MCTP1: variants seen among roughly 807,000 people sequenced by gnomAD.
MCTP1 encodes the protein multiple C2 and transmembrane domain-containing protein 1.
In MCTP1, 69 loss-of-function variants were observed where a neutral mutation model predicts 120.6. The observed-to-expected ratio is 0.57, with a 90% CI of 0.47 to 0.70. The LOEUF (loss-of-function observed/expected upper bound fraction) is 0.70, where lower values mean the gene tolerates loss of function less well. Among genes scored for constraint, MCTP1 ranks in the 30% least tolerant of loss-of-function variants. The pLI, the probability that MCTP1 is intolerant of heterozygous loss-of-function variation, is 0.00. For synonymous variants in MCTP1, 529 were observed against 493.1 expected (o/e 1.07, Z -0.96); for missense variants, 1,203 against 1,248.8 (o/e 0.96, Z 0.55).
At chr5:95,122,587 G>A (rs558837468) in intron 1 of MCTP1, among the ~76,000 whole-genome samples, 2 of 152,260 alleles carry the variant, frequency 1.3e-5, no homozygotes, top group South Asian at 2.1e-4. Context: ...AAACAGCCTG[G>A]AGGTTCCTCA....
chr5:95,284,431 G>A lies in MCTP1; in HGVS notation c.145C>T (p.Arg49Cys), dbSNP rs766747520. 5.2e-6 allele frequency: 8 copies of A among 1,550,734 alleles called. No homozygotes were observed. The highest frequency in any genetic ancestry group is 1.4e-5 in the African/African-American group (1 of 72,686). The change falls in exon 1 of 23, where the codon CGC becomes TGC. Residue 49 changes from arginine to cysteine, a missense_variant. Around this residue, in one of 2 missense-constraint regions of MCTP1, gnomAD observed 463 missense variants for 377.8 expected, o/e 1.23. Coordinates refer to ENST00000515393, the MANE Select transcript of MCTP1 (RefSeq NM_024717.7). This position sits in a 1 kb window ranked among gnomAD's most constrained non-coding sequence, Gnocchi z 5.2. ...GAGGGCGACGGGGTGTCCGCAGTGCGGCGCTCTGGACCCCCAGCGCGCCCG... is the reference window on the plus strand; with the variant it reads ...GAGGGCGACGGGGTGTCCGCAGTGCAGCGCTCTGGACCCCCAGCGCGCCCG... ...GGGRAGGPERRTADTPSPSPP... is the reference protein window; with the variant it reads ...GGGRAGGPERCTADTPSPSPP...
At chr5:94,925,044 C>G (rs1234806351) in intron 6 of MCTP1, among the ~76,000 whole-genome samples, 1 of 152,176 alleles carries the variant, frequency 6.6e-6, no homozygotes, top group Non-Finnish European at 1.5e-5. Flanking sequence ...TGTCATCCAT[C>G]AGCTAAAATT....
At chr5:94,924,110 TAAAA>T in intron 6 of MCTP1, 89 bp from the exon 7 acceptor site, 1 of 781,498 alleles carries the variant, frequency 1.3e-6, no homozygotes, top group Non-Finnish European at 1.9e-6. Flanking sequence ...TCAAAGCAAA[TAAAA>T]AATCGAAAAT....
intron 1 of MCTP1, among the ~76,000 whole-genome samples, chr5:95,134,198 T>C (rs1245530722): frequency 6.6e-6 from 1 of 152,206 alleles, no homozygotes; most frequent in Admixed American, 6.5e-5. Flanking sequence ...ATGTTAAGTG[T>C]TTTAATCAGT....
At chr5:94,722,572 T>A (rs1761161724) in intron 19 of MCTP1, among the ~76,000 whole-genome samples, 1 of 152,182 alleles carries the variant, frequency 6.6e-6, no homozygotes, top group Non-Finnish European at 1.5e-5. Flanking sequence ...ATAATGAACA[T>A]AAAATGGAAC....
At chr5:94,900,374 T>G (rs1805193493) in intron 10 of MCTP1, among the ~76,000 whole-genome samples, 1 of 152,230 alleles carries the variant, frequency 6.6e-6, no homozygotes, top group African/African-American at 2.4e-5. Flanking sequence ...TGGTGCACTG[T>G]AAGTATTAAA....
chr5:94,966,236 T>C (rs568580857), intron 2 of MCTP1, among the ~76,000 whole-genome samples: 1 of 152,150 alleles, frequency 6.6e-6, no homozygotes, highest in Non-Finnish European at 1.5e-5. Context: ...AAGCCCAATG[T>C]TTCTTCTATT....
At chr5:95,110,132 T>G (rs1644717938) in intron 1 of MCTP1, among the ~76,000 whole-genome samples, 1 of 152,138 alleles carries the variant, frequency 6.6e-6, no homozygotes, top group African/African-American at 2.4e-5. Flanking sequence ...TCACAGCACA[T>G]TCTCTGATCT....
chr5:94,844,907 C>T (rs1791976790), intron 17 of MCTP1, among the ~76,000 whole-genome samples: 1 of 151,972 alleles, frequency 6.6e-6, no homozygotes, highest in Admixed American at 6.6e-5. Context: ...TGGAAGAAAC[C>T]CAGTAGGCCC....
chr5:94,940,318 AT>A, intron 4 of MCTP1, 123 bp from the exon 5 acceptor site: 2 of 556,240 alleles, frequency 3.6e-6, no homozygotes, highest in Non-Finnish European at 3.1e-6. Flanking sequence ...TCTTGGGACA[AT>A]TTTTGTTATT....
intron 1 of MCTP1, among the ~76,000 whole-genome samples, chr5:95,140,879 CAAAAAAAAA>C (rs33910299): frequency 4.0e-3 from 182 of 45,354 alleles, no homozygotes; most frequent in African/African-American, 0.015. Flanking sequence ...GACTCCGTCT[CAAAAAAAAA>C]AAAAAAAAAA....
intron 1 of MCTP1, among the ~76,000 whole-genome samples, chr5:95,127,014 C>G (rs1211300460): frequency 6.6e-6 from 1 of 152,152 alleles, no homozygotes; most frequent in Non-Finnish European, 1.5e-5. Flanking sequence ...GTCAAAGCAG[C>G]AGGTTGAGCT....
At chr5:94,969,742 A>T (rs1826370970) in intron 2 of MCTP1, among the ~76,000 whole-genome samples, 1 of 152,156 alleles carries the variant, frequency 6.6e-6, no homozygotes, top group Non-Finnish European at 1.5e-5. Context: ...GTCCAATTGT[A>T]ACAGAGGGTA....
At chr5:95,192,829 G>A (rs1749972566) in intron 1 of MCTP1, among the ~76,000 whole-genome samples, 1 of 152,086 alleles carries the variant, frequency 6.6e-6, no homozygotes, top group Non-Finnish European at 1.5e-5. Context: ...GCCTATTACG[G>A]TTCCAGTGAC....
intron 2 of MCTP1, among the ~76,000 whole-genome samples, chr5:94,986,248 T>C (rs1410251942): frequency 6.6e-6 from 1 of 152,160 alleles, no homozygotes; most frequent in Non-Finnish European, 1.5e-5. Flanking sequence ...TCATTGTTAT[T>C]ACGTGTTTCT....
At chr5:94,801,830 T>G (rs1455063451) in intron 17 of MCTP1, among the ~76,000 whole-genome samples, 1 of 152,196 alleles carries the variant, frequency 6.6e-6, no homozygotes, top group Admixed American at 6.5e-5. Context: ...TTTCATGCAT[T>G]CTTCTTCTCT....
chr5:94,841,163 C>T (rs1790944384), intron 17 of MCTP1, among the ~76,000 whole-genome samples: 1 of 152,170 alleles, frequency 6.6e-6, no homozygotes, highest in Non-Finnish European at 1.5e-5. Flanking sequence ...GTTGCCAGCC[C>T]AGTCCACCCA....
At chr5:95,006,270 A>T in intron 2 of MCTP1, among the ~76,000 whole-genome samples, 1 of 151,698 alleles carries the variant, frequency 6.6e-6, no homozygotes, top group South Asian at 2.1e-4. Flanking sequence ...CATACACATA[A>T]ACACATATAC....
chr5:94,912,466 A>AAAAAAAAAAAAAAAAAAAAAAAAAAAAAG (rs1211529200), intron 9 of MCTP1, among the ~76,000 whole-genome samples: 3 of 92,038 alleles, frequency 3.3e-5, no homozygotes, highest in East Asian at 3.0e-4. Context: ...AAAAAAAAAA[A>AAAAAAAAAAAAAAAAAAAAAAAAAAAAAG]GCCGCACTCT....
Sources: allele counts gnomAD v4.1 joint callset (sites outside exome capture counted in the v4.1 genomes callset), GRCh38; gene constraint gnomAD v4.1.1; regional missense constraint gnomAD v4.1.1; non-coding constraint Gnocchi (gnomAD v3.1); transcripts MANE v1.5; gene names NCBI Gene and HGNC (gene_info 2026-07-23, HGNC 2026-07-21).